PCDH15: variants seen among roughly 807,000 people sequenced by gnomAD.
PCDH15 encodes the protein protocadherin-15.
Under a neutral mutation model 178.5 loss-of-function variants are expected in PCDH15, and 129 were observed. The ratio of observed to expected loss-of-function variants is 0.72; its 90% confidence interval spans 0.63 to 0.84. PCDH15 has a LOEUF of 0.84. Ranked by LOEUF, PCDH15 falls within the 40% of genes least tolerant of loss-of-function variation. The pLI is 0.00. For synonymous variants in PCDH15, 800 were observed against 732.0 expected, an observed-to-expected ratio of 1.09 and a Z score of -1.50; for missense variants, 2,230 against 2,099.9, an observed-to-expected ratio of 1.06 and a Z score of -1.21.
At chr10:54,253,109 T>C (rs1192078385) in intron 8 of PCDH15, among the ~76,000 whole-genome samples, 1 of 152,040 alleles carries the variant, frequency 6.6e-6, no homozygotes, top group Non-Finnish European at 1.5e-5. Flanking sequence ...AATTACCTAG[T>C]AAATTCGATT....
At chr10:54,901,451 G>A (rs752333451) in intron 2 of PCDH15, among the ~76,000 whole-genome samples, 4 of 152,028 alleles carry the variant, frequency 2.6e-5, no homozygotes, top group Non-Finnish European at 4.4e-5. Context: ...GTGTTTATAA[G>A]ACACAGATAA....
At chr10:54,200,192 T>C (rs1277076042) in intron 10 of PCDH15, among the ~76,000 whole-genome samples, 3 of 151,212 alleles carry the variant, frequency 2.0e-5, no homozygotes, top group African/African-American at 7.3e-5. Context: ...AAATTATTTA[T>C]CATTTAAATA....
chr10:53,997,535 CTTTA>C (rs2134939687), intron 20 of PCDH15, among the ~76,000 whole-genome samples: 1 of 152,172 alleles, frequency 6.6e-6, no homozygotes, highest in Non-Finnish European at 1.5e-5. Flanking sequence ...AAATTTTATT[CTTTA>C]TTTTATTCTC....
At position 54,266,036 on chromosome 10, in the gene PCDH15, CA is replaced by C. The variant is rs1160255159; in HGVS notation, c.877-29106del. On this transcript the variant is annotated intron_variant, in intron 8 of 37. Coordinates refer to ENST00000644397, the MANE Select transcript of PCDH15 (RefSeq NM_001384140.1). The stretch of plus-strand genomic sequence containing the variant: ...AGTGATCACATATGCAGTCATAAAG[CA>C]AGTGTCAAGAAATTAAAAAAAATAT... Among the ~76,000 whole-genome samples, 5 of 122,630 alleles carry C rather than the reference CA, an allele frequency of 4.1e-5. No individual in the cohort carries two copies. The East Asian group carries it at 7.9e-4, about 19-fold the overall frequency. 80.5% of individuals were successfully genotyped at this position (122,630 alleles called of 152,430 possible).
At chr10:55,497,553 C>A (rs932901175) in intron 2 of PCDH15, among the ~76,000 whole-genome samples, 11 of 151,590 alleles carry the variant, frequency 7.3e-5, no homozygotes, top group Non-Finnish European at 1.3e-4. Flanking sequence ...AAAATTTCAG[C>A]CATTAAAATG....
intron 2 of PCDH15, among the ~76,000 whole-genome samples, chr10:55,598,049 C>T (rs757193925): frequency 6.6e-6 from 1 of 152,090 alleles, no homozygotes; most frequent in Non-Finnish European, 1.5e-5. Flanking sequence ...CACACCCCTA[C>T]GGGAAACAGC....
intron 1 of PCDH15, among the ~76,000 whole-genome samples, chr10:54,694,131 A>T (rs1405530416): frequency 6.6e-6 from 1 of 152,106 alleles, no homozygotes; most frequent in African/African-American, 2.4e-5. Flanking sequence ...CTCAATAAGA[A>T]TTGATTTTTC....
chr10:54,988,521 A>G (rs1425153513), intron 2 of PCDH15, among the ~76,000 whole-genome samples: 1 of 152,210 alleles, frequency 6.6e-6, no homozygotes, highest in Non-Finnish European at 1.5e-5. Context: ...GTGGTCTCAG[A>G]TGAAAATGAG....
At chr10:54,294,045 G>A (rs200522987) in intron 8 of PCDH15, among the ~76,000 whole-genome samples, 9 of 152,044 alleles carry the variant, frequency 5.9e-5, no homozygotes, top group African/African-American at 2.2e-4. Flanking sequence ...ACTATTCACA[G>A]TAGCAAAGAC....
chr10:55,309,401 C>T (rs1057032038), intron 1 of PCDH15, among the ~76,000 whole-genome samples: 9 of 151,936 alleles, frequency 5.9e-5, no homozygotes, highest in Non-Finnish European at 1.3e-4. Context: ...CTTGTATTCT[C>T]ACCTATTCAA....
chr10:54,702,654 T>A (rs2095322174), intron 1 of PCDH15, among the ~76,000 whole-genome samples: 1 of 150,154 alleles, frequency 6.7e-6, no homozygotes, highest in Non-Finnish European at 1.5e-5. Flanking sequence ...AAGATTGAAC[T>A]AGGAAGAAAT....
intron 2 of PCDH15, among the ~76,000 whole-genome samples, chr10:55,054,202 C>T (rs1384692928): frequency 6.6e-6 from 1 of 152,062 alleles, no homozygotes; most frequent in Admixed American, 6.5e-5. Context: ...CAATAGACCC[C>T]GTGTCTTTTG....
intron 2 of PCDH15, among the ~76,000 whole-genome samples, chr10:55,069,049 C>T (rs1347799452): frequency 7.0e-6 from 1 of 141,996 alleles, no homozygotes; most frequent in Non-Finnish European, 1.5e-5. Context: ...AGGTATGTTC[C>T]ACCATGTCCA....
chr10:55,165,420 A>G (rs1191777299), intron 2 of PCDH15, among the ~76,000 whole-genome samples: 13 of 151,962 alleles, frequency 8.6e-5, no homozygotes, highest in Non-Finnish European at 5.9e-5. Flanking sequence ...TTAAAACTTG[A>G]GCATATTATT....
intron 1 of PCDH15, among the ~76,000 whole-genome samples, chr10:55,171,951 G>A (rs1444455248): frequency 1.3e-5 from 2 of 151,868 alleles, no homozygotes; most frequent in South Asian, 2.1e-4. Flanking sequence ...TATTAAAAAT[G>A]CCTTCTTCAA....
chr10:54,167,053 C>T (rs1239593259), intron 13 of PCDH15, among the ~76,000 whole-genome samples: 2 of 152,176 alleles, frequency 1.3e-5, no homozygotes, highest in Non-Finnish European at 1.5e-5. Context: ...AGCCCGCCTG[C>T]ACCTGGGTGA....
chr10:53,912,763 T>A (rs907255193), intron 25 of PCDH15, among the ~76,000 whole-genome samples: 1 of 152,136 alleles, frequency 6.6e-6, no homozygotes, highest in Non-Finnish European at 1.5e-5. Flanking sequence ...CAAGGAGAAC[T>A]ACAAACCACT....
At chr10:55,428,603 C>T (rs769547773) in intron 2 of PCDH15, among the ~76,000 whole-genome samples, 4 of 151,614 alleles carry the variant, frequency 2.6e-5, no homozygotes, top group Non-Finnish European at 5.9e-5. Context: ...AGAGAGACAG[C>T]GCTATGTGTT....
chr10:54,508,175 T>C (rs1190530485), intron 3 of PCDH15, among the ~76,000 whole-genome samples: 1 of 152,108 alleles, frequency 6.6e-6, no homozygotes, highest in African/African-American at 2.4e-5. Flanking sequence ...GATATTTATT[T>C]TCTTATCACC....
Sources: gnomAD v4.1 joint callset for allele counts (sites outside exome capture counted in the v4.1 genomes callset) on GRCh38, gnomAD v4.1.1 for gene constraint, MANE v1.5 for transcripts, NCBI Gene and HGNC (gene_info 2026-07-23, HGNC 2026-07-21) for gene names.